AHCYL2: variants seen among roughly 807,000 people sequenced by gnomAD.
AHCYL2 encodes the protein adenosylhomocysteinase like 2.
A neutral mutation model predicts 81.4 loss-of-function variants in AHCYL2; 28 were observed. The observed-to-expected ratio is 0.34, with a 90% CI of 0.25 to 0.47. The LOEUF (loss-of-function observed/expected upper bound fraction) is 0.47, where lower values mean the gene tolerates loss of function less well. Among genes scored for constraint, AHCYL2 ranks in the 20% least tolerant of loss-of-function variants. The pLI is 1.00. For synonymous variants in AHCYL2, 272 were observed against 290.2 expected (o/e 0.94, Z 0.64); for missense variants, 551 against 785.1 (o/e 0.70, Z 3.56).
At chr7:129,289,774 ATTTC>A (rs1402173757) in intron 1 of AHCYL2, among the ~76,000 whole-genome samples, 1 of 149,316 alleles carries the variant, frequency 6.7e-6, no homozygotes, top group African/African-American at 2.5e-5. Context: ...TTACTGATAT[ATTTC>A]TTCTTTCTTT....
intron 1 of AHCYL2, among the ~76,000 whole-genome samples, chr7:129,324,718 T>C (rs1474734221): frequency 1.3e-5 from 2 of 152,174 alleles, no homozygotes; most frequent in Non-Finnish European, 2.9e-5. Context: ...GGTTTCACCG[T>C]GTTAGCCAGG....
chr7:129,267,247 G>A (rs1044882942), intron 1 of AHCYL2, among the ~76,000 whole-genome samples: 6 of 151,822 alleles, frequency 4.0e-5, no homozygotes, highest in Non-Finnish European at 7.4e-5. Flanking sequence ...GTGTGTGTGT[G>A]TGTGTGTGTG....
intron 1 of AHCYL2, among the ~76,000 whole-genome samples, chr7:129,327,368 C>G (rs1027684448): frequency 2.0e-5 from 3 of 152,202 alleles, no homozygotes; most frequent in Non-Finnish European, 2.9e-5. Flanking sequence ...TTCCCAGCCT[C>G]TAGAACTGTG....
At chr7:129,300,745 G>T (rs1367666258) in intron 1 of AHCYL2, among the ~76,000 whole-genome samples, 1 of 152,064 alleles carries the variant, frequency 6.6e-6, no homozygotes, top group Non-Finnish European at 1.5e-5. Flanking sequence ...GTGTATGAGG[G>T]TTTCCTTTTC....
intron 1 of AHCYL2, among the ~76,000 whole-genome samples, chr7:129,309,363 A>G (rs1222541009): frequency 2.6e-5 from 4 of 152,132 alleles, no homozygotes; most frequent in Non-Finnish European, 5.9e-5. Flanking sequence ...ACATAGTGAG[A>G]TTCCATCTCT....
intron 4 of AHCYL2, among the ~76,000 whole-genome samples, chr7:129,390,461 G>C (rs1430484296): frequency 6.6e-6 from 1 of 152,082 alleles, no homozygotes; most frequent in Admixed American, 6.6e-5. Flanking sequence ...ATGAACAACA[G>C]TAACTCAAAA....
chr7:129,352,639 A>G (rs1424327350), intron 1 of AHCYL2, among the ~76,000 whole-genome samples: 2 of 152,124 alleles, frequency 1.3e-5, no homozygotes, highest in African/African-American at 4.8e-5. Context: ...TCCGTTAGCA[A>G]GTCTTTTGAG....
intron 1 of AHCYL2, among the ~76,000 whole-genome samples, chr7:129,323,872 G>T: frequency 7.1e-6 from 1 of 141,234 alleles, no homozygotes; most frequent in African/African-American, 2.6e-5. Flanking sequence ...GGCCCTTTTA[G>T]CTTTTTTTTT....
chr7:129,266,785 A>G (rs935375738), intron 1 of AHCYL2, among the ~76,000 whole-genome samples: 1 of 152,220 alleles, frequency 6.6e-6, no homozygotes, highest in African/African-American at 2.4e-5. Flanking sequence ...TTAATGAATC[A>G]TGTCTATCAC....
intron 1 of AHCYL2, among the ~76,000 whole-genome samples, chr7:129,376,846 A>G (rs1794711187): frequency 6.6e-6 from 1 of 152,228 alleles, no homozygotes; most frequent in Non-Finnish European, 1.5e-5. Flanking sequence ...TCTAAAAAAG[A>G]ATAAAGACAT....
intron 1 of AHCYL2, among the ~76,000 whole-genome samples, chr7:129,278,198 C>G (rs1208080840): frequency 6.6e-6 from 1 of 152,024 alleles, no homozygotes; most frequent in African/African-American, 2.4e-5. Flanking sequence ...ATTTGTATGT[C>G]TCTTGTGGTA....
At chr7:129,326,495 C>T (rs894883788) in intron 1 of AHCYL2, among the ~76,000 whole-genome samples, 1 of 152,010 alleles carries the variant, frequency 6.6e-6, no homozygotes, top group African/African-American at 2.4e-5. Context: ...CATTACACTC[C>T]AGCCTGGGTG....
intron 10 of AHCYL2, among the ~76,000 whole-genome samples, chr7:129,408,859 G>T (rs35974655): frequency 0.28 from 43,219 of 152,026 alleles, 7,562 homozygotes; most frequent in East Asian, 0.59. Flanking sequence ...AGTCCAAGGG[G>T]TATAGAGTTT....
intron 1 of AHCYL2, among the ~76,000 whole-genome samples, chr7:129,321,092 A>G (rs1252149988): frequency 6.6e-6 from 1 of 152,220 alleles, no homozygotes; most frequent in Non-Finnish European, 1.5e-5. Flanking sequence ...TGTAAATTCC[A>G]TAGGTTTTCT....
At chr7:129,339,947 C>A (rs1441160547) in intron 1 of AHCYL2, among the ~76,000 whole-genome samples, 6 of 110,280 alleles carry the variant, frequency 5.4e-5, no homozygotes, top group South Asian at 3.0e-4. Context: ...GAGACGGAGT[C>A]TCGCTCCGTC....
At chr7:129,299,396 T>G (rs1746373062) in intron 1 of AHCYL2, among the ~76,000 whole-genome samples, 1 of 71,076 alleles carries the variant, frequency 1.4e-5, no homozygotes, top group Non-Finnish European at 2.7e-5. Flanking sequence ...TTTTTTTTTT[T>G]TTTTTTTTTT....
chr7:129,422,409 C>T (rs1797159510), intron 12 of AHCYL2, among the ~76,000 whole-genome samples: 1 of 152,234 alleles, frequency 6.6e-6, no homozygotes, highest in Non-Finnish European at 1.5e-5. Context: ...TTCTTTGTTT[C>T]TTCAGCACTT....
At chr7:129,319,406 C>T (rs1181840878) in intron 1 of AHCYL2, among the ~76,000 whole-genome samples, 1 of 151,640 alleles carries the variant, frequency 6.6e-6, no homozygotes, top group African/African-American at 2.4e-5. Context: ...GCCAAGATCA[C>T]ACCACTGCAC....
chr7:129,249,467 G>A (rs1038644222), intron 1 of AHCYL2, among the ~76,000 whole-genome samples: 3 of 151,122 alleles, frequency 2.0e-5, no homozygotes, highest in South Asian at 2.1e-4. Context: ...CGCCCAGGCC[G>A]GACTGCGGAC....
Sources: allele counts gnomAD v4.1 joint callset (sites outside exome capture counted in the v4.1 genomes callset), GRCh38; gene constraint gnomAD v4.1.1; transcripts MANE v1.5; gene names NCBI Gene and HGNC (gene_info 2026-07-23, HGNC 2026-07-21).